Variants in TRIM37 observed in about 807,000 individuals in gnomAD.
TRIM37 encodes E3 ubiquitin-protein ligase TRIM37.
A neutral mutation model predicts 129.8 loss-of-function variants in TRIM37; 80 were observed. The observed-to-expected ratio is 0.62, with a 90% confidence interval of 0.51 to 0.74. The LOEUF is 0.74. Ranked by LOEUF, TRIM37 falls within the 30% of genes least tolerant of loss-of-function variation. TRIM37 has a pLI of 0.00. For synonymous variants in TRIM37, 389 were observed against 387.1 expected, an observed-to-expected ratio of 1.00 and a Z score of -0.06; for missense variants, 1,054 against 1,176.5, an observed-to-expected ratio of 0.90 and a Z score of 1.52.
intron 1 of TRIM37, among the ~76,000 whole-genome samples, chr17:59,104,921 G>A (rs557377646): frequency 1.8e-3 from 271 of 151,826 alleles, no homozygotes; most frequent in African/African-American, 6.1e-3. Flanking sequence ...GTTAAACCCC[G>A]TCTCTACTAA....
chr17:59,035,957 G>C (rs1463520045), intron 17 of TRIM37, among the ~76,000 whole-genome samples: 1 of 151,872 alleles, frequency 6.6e-6, no homozygotes, highest in African/African-American at 2.4e-5. Context: ...TGACACTCAA[G>C]GCCCTATTAT....
downstream of TRIM37, among the ~76,000 whole-genome samples, chr17:58,979,375 C>T (rs1380865239): frequency 6.6e-6 from 1 of 152,176 alleles, no homozygotes; most frequent in Admixed American, 6.5e-5. Flanking sequence ...GGCCTTGGGT[C>T]AGCCACATAA....
At chr17:59,047,168 A>AAAAAAAAGTAAC (rs1346761690) in intron 16 of TRIM37, among the ~76,000 whole-genome samples, 5 of 151,978 alleles carry the variant, frequency 3.3e-5, no homozygotes, top group African/African-American at 9.7e-5. Context: ...AAAAGGAAAA[A>AAAAAAAAGTAAC]AAAAAAAGTA....
chr17:58,994,906 C>T (rs1000317499), downstream of TRIM37, among the ~76,000 whole-genome samples: 4 of 152,040 alleles, frequency 2.6e-5, no homozygotes, highest in African/African-American at 4.8e-5. Flanking sequence ...TGCGCCATCA[C>T]AGCCAGCTAA....
intron 14 of TRIM37, among the ~76,000 whole-genome samples, chr17:59,050,933 T>G (rs902443006): frequency 6.6e-6 from 1 of 152,136 alleles, no homozygotes; most frequent in East Asian, 1.9e-4. Context: ...TGAGCCGAGA[T>G]TGCACCACTG....
chr17:59,042,443 AAAAAAAATATATAT>A (rs1412015998), intron 16 of TRIM37, among the ~76,000 whole-genome samples: 6,736 of 49,998 alleles, frequency 0.13, 310 homozygotes, highest in Admixed American at 0.23. Flanking sequence ...AAAAAAAAAA[AAAAAAAATATATAT>A]ATATATATAT....
intron 13 of TRIM37, 104 bp downstream of exon 13, chr17:59,056,771 G>A (rs1302301146): frequency 9.1e-6 from 4 of 439,112 alleles, no homozygotes; most frequent in South Asian, 1.6e-5. Flanking sequence ...TAGTTAGTAT[G>A]AATTTCAATA....
chr17:59,013,798 GATT>G (rs1255373133), intron 21 of TRIM37, among the ~76,000 whole-genome samples: 1 of 152,082 alleles, frequency 6.6e-6, no homozygotes, highest in Non-Finnish European at 1.5e-5. Context: ...AAAGTGCTGG[GATT>G]ACAGGTGTGT....
chr17:59,054,335 CTT>C (rs1053444184), intron 13 of TRIM37, among the ~76,000 whole-genome samples: 18 of 152,192 alleles, frequency 1.2e-4, no homozygotes, highest in African/African-American at 4.1e-4. Context: ...GAGTTTCACT[CTT>C]GTCGCCCAGG....
At position 59,088,319 on chromosome 17, in the gene TRIM37, T is replaced by A. The variant is rs925125537; in HGVS notation, c.253A>T (p.Thr85Ser). ...TCCTTTTCATTTTCTTCATGTTTGG[T>A]GAGACTGCAGAGTTGAAGAGTATCA... ...QLDTLQLCSL[T>S]KHEENEKDKC... The change falls in exon 4 of 24, where the codon ACC becomes TCC. Residue 85 changes from threonine to serine, a missense_variant. Around this residue, in one of 3 missense-constraint regions of TRIM37, gnomAD observed 752 missense variants for 870.8 expected, o/e 0.86. Coordinates refer to ENST00000262294, the MANE Select transcript of TRIM37 (RefSeq NM_015294.6). The A allele has an allele frequency of 6.2e-7, 1 of 1,612,716 alleles. No homozygotes were observed. The highest frequency in any genetic ancestry group is 8.5e-7 in the Non-Finnish European group (1 of 1,179,078).
intron 9 of TRIM37, among the ~76,000 whole-genome samples, chr17:59,068,609 T>C (rs955676410): frequency 4.6e-5 from 7 of 152,224 alleles, no homozygotes; most frequent in African/African-American, 1.4e-4. Context: ...AGCAAATACA[T>C]AGTCCTTTTA....
rs1309828720 is a variant in TRIM37 at position 59,066,537 on chromosome 17, T to C, written c.810-2132A>G. Among the ~76,000 whole-genome samples, 2 of 152,176 alleles carry C rather than the reference T, an allele frequency of 1.3e-5. 1 individual carries two copies. ...AAGAGATGCCATTTTCAACTCAGAA[T>C]GGTGAAGTAGAAAGCTTCCAGGCTA... On this transcript the variant is annotated intron_variant, in intron 9 of 23. Coordinates refer to ENST00000262294, the MANE Select transcript of TRIM37 (RefSeq NM_015294.6).
rs2043528260 is a variant in TRIM37, at chr17:59,083,924, A to G, written c.369+78T>C. 20 of 1,140,970 alleles carry G rather than the reference A, an allele frequency of 1.8e-5. 1 individual carries two copies. In the South Asian group the frequency reaches 2.1e-4, roughly 12 times the overall value. 70.7% of individuals were successfully genotyped at this position (1,140,970 alleles called of 1,614,324 possible). A position where few individuals can be genotyped will look rare whatever the true frequency, so the allele number is the denominator to read the frequency against. On this transcript the variant is annotated intron_variant, in intron 5 of 23. Transcript: ENST00000262294. ...TTTCATTCTACGAGAGCATAATGAC[A>G]CTATTTTCTATCTGAATAAGTATTT...
At chr17:59,087,975 G>A (rs2043925976) in intron 4 of TRIM37, 1 of 527,202 alleles carries the variant, frequency 1.9e-6, no homozygotes. Context: ...TATTATCACT[G>A]TGTCCCCATT....
chr17:59,012,382 T>A lies in TRIM37; in HGVS notation c.2641A>T (p.Thr881Ser). Residue 881 changes from threonine to serine, a missense_variant, in exon 22 of 24, where the codon ACT (threonine) becomes TCT (serine). Coordinates refer to ENST00000262294, the MANE Select transcript of TRIM37 (RefSeq NM_015294.6). ...GGTAGTACAGGCTGTAACTCTCCAG[T>A]TTCAGAATTATTTTCCAAATCAGTC... is the stretch of plus-strand genomic sequence containing the variant. ...QMTDLENNSE[T>S]GELQPVLPEG... The A allele has an allele frequency of 1.2e-6, 2 of 1,613,176 alleles. No individual in the cohort carries two copies. Among genetic ancestry groups the A allele is most frequent in the Non-Finnish European group, 1.7e-6 (2 of 1,179,982 alleles).
At chr17:59,049,436 G>A (rs187153797) in intron 14 of TRIM37, 43 bp from the exon 15 acceptor site, 4 of 1,535,094 alleles carry the variant, frequency 2.6e-6, no homozygotes, top group Non-Finnish European at 3.6e-6. Flanking sequence ...ACAGCTCACT[G>A]GCACAGTAAA....
At chr17:59,083,427 A>G (rs2043480435) in intron 5 of TRIM37, among the ~76,000 whole-genome samples, 1 of 151,382 alleles carries the variant, frequency 6.6e-6, no homozygotes, top group African/African-American at 2.4e-5. Flanking sequence ...AACAAGAGCG[A>G]AATTCTCAAA....
At chr17:59,081,943 A>AAT (rs1568199444) in intron 5 of TRIM37, among the ~76,000 whole-genome samples, 2 of 115,404 alleles carry the variant, frequency 1.7e-5, no homozygotes, top group East Asian at 4.8e-4. Flanking sequence ...AAACCAAAAA[A>AAT]AAAAAAAAAT....
chr17:59,054,581 C>T lies in TRIM37; in HGVS notation c.1199+2294G>A, dbSNP rs528774422. Among the ~76,000 whole-genome samples, 5 of 152,226 alleles carry T rather than the reference C, an allele frequency of 3.3e-5. No homozygotes were observed. In the South Asian group the frequency reaches 1.0e-3, roughly 32 times the overall value. On this transcript the variant is annotated intron_variant, in intron 13 of 23. Coordinates refer to ENST00000262294, the MANE Select transcript of TRIM37 (RefSeq NM_015294.6). ...CCTCCCAAAGTGCTGGGATTACAGGCGTGAGCCACGGCACCCAGCCAATGC... is the reference window on the plus strand; with the variant it reads ...CCTCCCAAAGTGCTGGGATTACAGGTGTGAGCCACGGCACCCAGCCAATGC...
Sources: gnomAD v4.1 joint callset for allele counts (sites outside exome capture counted in the v4.1 genomes callset) on GRCh38, gnomAD v4.1.1 for gene constraint, gnomAD v4.1.1 regional missense constraint, MANE v1.5 for transcripts, NCBI Gene and HGNC (gene_info 2026-07-23, HGNC 2026-07-21) for gene names.